The following C1orf141 variants were observed in gnomAD, a reference collection of about 807,000 sequenced individuals.
C1orf141 encodes the protein uncharacterized protein C1orf141.
A neutral mutation model predicts 23.2 loss-of-function variants in C1orf141; 19 were observed. The observed-to-expected ratio is 0.82, with a 90% CI of 0.57 to 1.20. The LOEUF is 1.20. Among genes scored for constraint, C1orf141 ranks in the 50% most tolerant of loss-of-function variants. The pLI, the probability that C1orf141 is intolerant of heterozygous loss-of-function variation, is 0.00. For missense variants in C1orf141, 469 were observed against 455.1 expected, an observed-to-expected ratio of 1.03 and a Z score of -0.28; for synonymous variants, 153 against 154.6, an observed-to-expected ratio of 0.99 and a Z score of 0.08.
At position 67,115,503 on chromosome 1, in the gene C1orf141, G is replaced by T. The variant is rs575312957; in HGVS notation, c.234-39C>A. The T allele has an allele frequency of 3.8e-6, 3 of 794,404 alleles. No homozygotes were observed. The South Asian group carries it at 5.5e-5, about 15-fold the overall frequency. 49.2% of individuals were successfully genotyped at this position (794,404 alleles called of 1,614,324 possible). Reference sequence around the variant, plus strand: ...AAATTAATTTAAATTAAAATAATGAGAAAAATTACAAAATAAATCTAAAAA... The same window carrying T: ...AAATTAATTTAAATTAAAATAATGATAAAAATTACAAAATAAATCTAAAAA... On this transcript the variant is annotated intron_variant, in intron 4 of 7. Coordinates refer to ENST00000684719, the MANE Select transcript of C1orf141 (RefSeq NM_001276351.2).
intron 4 of C1orf141, among the ~76,000 whole-genome samples, chr1:67,125,120 T>G (rs1294856211): frequency 6.6e-6 from 1 of 152,248 alleles, no homozygotes; most frequent in South Asian, 2.1e-4. Flanking sequence ...CTTAGTTTTC[T>G]AGGCAGACTT....
At chr1:67,138,505 G>A (rs1646604709), upstream of C1orf141, among the ~76,000 whole-genome samples, 1 of 152,024 alleles carries the variant, frequency 6.6e-6, no homozygotes, top group African/African-American at 2.4e-5. Flanking sequence ...AAATATCATT[G>A]TACCCTGGGA....
chr1:67,141,473 A>G (rs1305779392), intron 1 of C1orf141, among the ~76,000 whole-genome samples: 1 of 152,142 alleles, frequency 6.6e-6, no homozygotes, highest in Non-Finnish European at 1.5e-5. Flanking sequence ...AAAAGTTTTT[A>G]CAAGTCCGGT....
rs2102409098 is a variant in C1orf141, at chr1:67,093,576, A to G, written c.632T>C (p.Phe211Ser). 2 of 1,574,096 alleles carry G rather than the reference A, an allele frequency of 1.3e-6. No individual in the cohort carries two copies. The highest frequency in any genetic ancestry group is 1.7e-4 in the Middle Eastern group (1 of 5,888). ...MEQKDTNPII[F>S]HDTEYVRMLL... Reference sequence around the variant, plus strand: ...CATTCGTACATATTCTGTGTCATGGAAAATTATGGGATTTGTGTCCTTTTG... The same window carrying G: ...CATTCGTACATATTCTGTGTCATGGGAAATTATGGGATTTGTGTCCTTTTG... The change falls in exon 8 of 8, where the codon TTC becomes TCC. Residue 211 changes from phenylalanine to serine, a missense_variant. Phe to Ser is a radical substitution (Grantham distance 155). Coordinates refer to ENST00000684719, the MANE Select transcript of C1orf141 (RefSeq NM_001276351.2).
At chr1:67,116,194 T>C (rs1253698897) in intron 4 of C1orf141, among the ~76,000 whole-genome samples, 2 of 152,190 alleles carry the variant, frequency 1.3e-5, no homozygotes, top group Non-Finnish European at 2.9e-5. Context: ...ACCAAATTAT[T>C]GATTCCACCA....
intron 5 of C1orf141, among the ~76,000 whole-genome samples, chr1:67,096,757 A>G (rs1645690352): frequency 6.6e-6 from 1 of 152,142 alleles, no homozygotes; most frequent in Non-Finnish European, 1.5e-5. Context: ...TCTGGTGGCC[A>G]CTCCAGCATT....
chr1:67,101,785 G>A (rs1645806512), intron 5 of C1orf141, among the ~76,000 whole-genome samples: 1 of 152,034 alleles, frequency 6.6e-6, no homozygotes, highest in African/African-American at 2.4e-5. Flanking sequence ...TTGAGACTTT[G>A]ATAAAAAGGA....
At chr1:67,095,920 A>G (rs1570674059) in intron 6 of C1orf141, 2 of 196,856 alleles carry the variant, frequency 1.0e-5, no homozygotes, top group East Asian at 2.9e-4. Context: ...TTCATTATAC[A>G]GAGATGGAAG....
Position 67,125,785 on chromosome 1 carries a change from T to A in C1orf141, c.200A>T (p.Glu67Val). The A allele has an allele frequency of 6.2e-7, 1 of 1,613,936 alleles. No individual in the cohort carries two copies. The highest frequency in any genetic ancestry group is 8.5e-7 in the Non-Finnish European group (1 of 1,179,910). ...TTTTGTAATGCTGCATGACTTGTCTTCTTTGATCTTTGATATTGCCTTAGA... is the reference window on the plus strand; with the variant it reads ...TTTTGTAATGCTGCATGACTTGTCTACTTTGATCTTTGATATTGCCTTAGA... ...SASKAISKIK[E>V]DKSCSITKSK... The change falls in exon 4 of 8, where the codon GAA becomes GTA. Residue 67 changes from glutamate to valine, a missense_variant. Around this residue, in one of 3 missense-constraint regions of C1orf141, gnomAD observed 95 missense variants for 90.3 expected, o/e 1.05. Coordinates refer to ENST00000684719, the MANE Select transcript of C1orf141 (RefSeq NM_001276351.2).
At chr1:67,124,093 C>T (rs1646356133) in intron 4 of C1orf141, 1 of 152,122 alleles carries the variant, frequency 6.6e-6, no homozygotes, top group African/African-American at 2.4e-5. Flanking sequence ...GCTGTATGAC[C>T]TTGTGCAAAT....
intron 2 of C1orf141, among the ~76,000 whole-genome samples, chr1:67,128,675 C>A (rs1257405121): frequency 1.3e-5 from 2 of 151,850 alleles, no homozygotes; most frequent in Non-Finnish European, 2.9e-5. Context: ...TGTGCTCCAG[C>A]CTGGGTGACA....
intron 5 of C1orf141, among the ~76,000 whole-genome samples, chr1:67,104,976 A>G (rs1047585471): frequency 1.3e-5 from 2 of 152,222 alleles, no homozygotes; most frequent in African/African-American, 4.8e-5. Flanking sequence ...AAATTTAACA[A>G]CTATTATTGA....
At chr1:67,100,905 G>T (rs1385659654) in intron 5 of C1orf141, among the ~76,000 whole-genome samples, 1 of 152,202 alleles carries the variant, frequency 6.6e-6, no homozygotes, top group Admixed American at 6.6e-5. Flanking sequence ...TCGTGGAGAA[G>T]TTTATTTCTG....
upstream of C1orf141, among the ~76,000 whole-genome samples, chr1:67,137,716 C>T (rs7543257): frequency 0.46 from 69,381 of 151,928 alleles, 17,030 homozygotes; most frequent in South Asian, 0.63. Context: ...CATAACATTC[C>T]TAGGGCCCAG....
At chr1:67,094,230 T>G (rs868720108) in intron 7 of C1orf141, 1 of 152,244 alleles carries the variant, frequency 6.6e-6, no homozygotes, top group South Asian at 2.1e-4. Flanking sequence ...AAGTCTGCTA[T>G]GATTACTGAA....
At position 67,126,725 on chromosome 1, in the gene C1orf141, G is replaced by T. The variant is rs144064058; in HGVS notation, c.75+441C>A. On this transcript the variant is annotated intron_variant, in intron 3 of 7. Transcript: ENST00000684719. ...CTGGAGGTGGTTTCAGGGCTGAGGT[G>T]CAGGGAGGAGAAACCCATTGGATTG... is the stretch of plus-strand genomic sequence containing the variant. Among the ~76,000 whole-genome samples, 1,499 of 152,322 alleles carry T rather than the reference G, an allele frequency of 9.8e-3. 15 individuals are homozygous for T. Among genetic ancestry groups the T allele is most frequent in the Non-Finnish European group, 0.016 (1,101 of 68,024 alleles).
At chr1:67,098,938 G>T (rs140125216) in intron 5 of C1orf141, among the ~76,000 whole-genome samples, 1 of 152,030 alleles carries the variant, frequency 6.6e-6, no homozygotes, top group Admixed American at 6.6e-5. Flanking sequence ...TGAGGGATTT[G>T]CCAAGAATGC....
chr1:67,134,164 C>T (rs1646558652), intron 1 of C1orf141, among the ~76,000 whole-genome samples: 1 of 152,094 alleles, frequency 6.6e-6, no homozygotes, highest in South Asian at 2.1e-4. Context: ...CCACCATGCC[C>T]GGCTAATTTT....
At chr1:67,128,786 A>G (rs1265497187) in intron 2 of C1orf141, among the ~76,000 whole-genome samples, 1 of 152,172 alleles carries the variant, frequency 6.6e-6, no homozygotes, top group Non-Finnish European at 1.5e-5. Flanking sequence ...GTGGCATTTA[A>G]GTGTAAAAGT....
Sources: allele counts gnomAD v4.1 joint callset (sites outside exome capture counted in the v4.1 genomes callset), GRCh38; gene constraint gnomAD v4.1.1; regional missense constraint gnomAD v4.1.1; transcripts MANE v1.5; gene names NCBI Gene and HGNC (gene_info 2026-07-23, HGNC 2026-07-21).